The following ST6GAL2 variants were observed in gnomAD, a reference collection of about 807,000 sequenced individuals.
ST6GAL2 encodes beta-galactoside alpha-2,6-sialyltransferase 2.
Under a neutral mutation model 37.5 loss-of-function variants are expected in ST6GAL2, and 24 were observed. The ratio of observed to expected loss-of-function variants is 0.64; its 90% CI spans 0.46 to 0.90. ST6GAL2 has a LOEUF of 0.90. Among genes scored for constraint, ST6GAL2 ranks in the 40% least tolerant of loss-of-function variants. ST6GAL2 has a pLI of 0.00. For missense variants in ST6GAL2, 715 were observed against 712.7 expected, an observed-to-expected ratio of 1.00 and a Z score of -0.04; for synonymous variants, 306 against 295.1, an observed-to-expected ratio of 1.04 and a Z score of -0.38.
chr2:106,826,260 G>C (rs1226522132), intron 5 of ST6GAL2, among the ~76,000 whole-genome samples: 2 of 152,176 alleles, frequency 1.3e-5, no homozygotes, highest in Non-Finnish European at 2.9e-5. Flanking sequence ...AAGCTGTACA[G>C]GAAGCACAGT....
At chr2:106,858,820 C>T (rs1677685383) in intron 1 of ST6GAL2, among the ~76,000 whole-genome samples, 2 of 152,074 alleles carry the variant, frequency 1.3e-5, no homozygotes, top group African/African-American at 4.8e-5. Context: ...GAGGATCTTG[C>T]AGGAATTCCC....
intron 1 of ST6GAL2, among the ~76,000 whole-genome samples, chr2:106,845,609 C>G (rs1677112157): frequency 6.6e-6 from 1 of 152,168 alleles, no homozygotes; most frequent in African/African-American, 2.4e-5. Context: ...AAGATAGGAA[C>G]TGAAATCAAA....
rs1434550649 is a variant in ST6GAL2 at position 106,834,376 on chromosome 2, G to A, written c.944-230C>T. The A allele has an allele frequency of 6.5e-6, 3 of 459,130 alleles. No individual in the cohort carries two copies. In the East Asian group the frequency reaches 1.2e-4, roughly 19 times the overall value. The allele number at this position is 459,130 out of a possible 1,614,324, so 28.4% of individuals were successfully genotyped here. On this transcript the variant is annotated intron_variant, in intron 2 of 5. Transcript: ENST00000409382. ...AGATGTAAAATCTGTTCAATTATGGGCGAGACTGTATGATCTAAGTGATAT... is the reference window on the plus strand; with the variant it reads ...AGATGTAAAATCTGTTCAATTATGGACGAGACTGTATGATCTAAGTGATAT...
rs560310157 is a variant in ST6GAL2, at chr2:106,860,418, G to C, written c.-57-16384C>G. Among the ~76,000 whole-genome samples the C allele has an allele frequency of 3.3e-5, 5 of 152,134 alleles. No individual in the cohort carries two copies. The East Asian group carries it at 5.8e-4, about 18-fold the overall frequency. On this transcript the variant is annotated intron_variant, in intron 1 of 5. Transcript: ENST00000409382. The stretch of plus-strand genomic sequence containing the variant: ...AAAGACTTAGGGCATAATTTCAATG[G>C]GGGAGCCTGGGAAGGTCTTTTGCAG...
At chr2:106,883,387 T>C (rs1361454344) in intron 1 of ST6GAL2, among the ~76,000 whole-genome samples, 1 of 152,194 alleles carries the variant, frequency 6.6e-6, no homozygotes, top group Non-Finnish European at 1.5e-5. Context: ...AAACTGAAAA[T>C]GTGGTAATCC....
intron 4 of ST6GAL2, among the ~76,000 whole-genome samples, 169 bp from the exon 5 acceptor site, chr2:106,830,409 G>C (rs565328035): frequency 2.0e-5 from 3 of 152,324 alleles, no homozygotes; most frequent in Admixed American, 1.3e-4. Context: ...GAGGGGACAA[G>C]AACAAAGACA....
intron 1 of ST6GAL2, among the ~76,000 whole-genome samples, chr2:106,879,232 G>A (rs551748197): frequency 1.4e-4 from 21 of 152,236 alleles, no homozygotes; most frequent in African/African-American, 4.3e-4. Flanking sequence ...GTGATATATG[G>A]GGTATTAGTG....
rs115526437 is a variant in ST6GAL2 at position 106,835,303 on chromosome 2, G to A, written c.944-1157C>T. Among the ~76,000 whole-genome samples the A allele has an allele frequency of 5.3e-3, 808 of 152,224 alleles. 3 individuals carry two copies. Among genetic ancestry groups the A allele is most frequent in the African/African-American group, 0.018 (743 of 41,538 alleles). ...AAGGGGAGCTGCATTTATAGTCCCC[G>A]AGCCCGCACAAGTGCCTAAGGCAGC... is the stretch of plus-strand genomic sequence containing the variant. On this transcript the variant is annotated intron_variant, in intron 2 of 5. Coordinates refer to ENST00000409382, the MANE Select transcript of ST6GAL2 (RefSeq NM_001142351.2).
chr2:106,885,836 C>CAGAGCCAAA (rs982151936), intron 1 of ST6GAL2: 2 of 152,272 alleles, frequency 1.3e-5, no homozygotes, highest in Admixed American at 6.5e-5. Flanking sequence ...CACTCCCTTC[C>CAGAGCCAAA]AGAGCCAAAA....
chr2:106,870,622 T>C (rs1468771234), intron 1 of ST6GAL2, among the ~76,000 whole-genome samples: 2 of 152,146 alleles, frequency 1.3e-5, no homozygotes, highest in Non-Finnish European at 2.9e-5. Flanking sequence ...TCAAATCCAG[T>C]GCCAATATCC....
chr2:106,866,154 AT>A (rs1446026429), intron 1 of ST6GAL2, among the ~76,000 whole-genome samples: 1 of 152,224 alleles, frequency 6.6e-6, no homozygotes, highest in Non-Finnish European at 1.5e-5. Flanking sequence ...TATGGCCTCA[AT>A]TTTATGATGA....
intron 5 of ST6GAL2, among the ~76,000 whole-genome samples, chr2:106,820,322 T>C (rs1207609568): frequency 6.6e-6 from 1 of 151,770 alleles, no homozygotes; most frequent in Non-Finnish European, 1.5e-5. Context: ...AAAGCAGGGG[T>C]AGCTACACTT....
intron 1 of ST6GAL2, among the ~76,000 whole-genome samples, chr2:106,844,257 C>G (rs1219448652): frequency 6.6e-6 from 1 of 150,726 alleles, no homozygotes; most frequent in Non-Finnish European, 1.5e-5. Flanking sequence ...AGGGATCTCA[C>G]CATCTCAGGT....
intron 1 of ST6GAL2, among the ~76,000 whole-genome samples, chr2:106,871,887 T>C (rs6732109): frequency 0.044 from 6,757 of 152,324 alleles, 473 homozygotes; most frequent in African/African-American, 0.15. Flanking sequence ...AAAAGAACGA[T>C]AGAAGTATAG....
chr2:106,808,805 T>C (rs184707304), intron 5 of ST6GAL2, among the ~76,000 whole-genome samples: 168 of 152,244 alleles, frequency 1.1e-3, no homozygotes, highest in African/African-American at 3.8e-3. Context: ...TTCTTTTATT[T>C]CCAGTCACTT....
At chr2:106,881,146 T>C (rs527634331) in intron 1 of ST6GAL2, among the ~76,000 whole-genome samples, 5 of 152,162 alleles carry the variant, frequency 3.3e-5, no homozygotes, top group African/African-American at 1.2e-4. Flanking sequence ...CCCTCACACC[T>C]AGCTAATTTT....
At chr2:106,859,649 T>A (rs542806410) in intron 1 of ST6GAL2, among the ~76,000 whole-genome samples, 1 of 151,956 alleles carries the variant, frequency 6.6e-6, no homozygotes, top group Non-Finnish European at 1.5e-5. Flanking sequence ...TAACCCTAAC[T>A]CCAAAACACA....
chr2:106,830,384 C>T, intron 4 of ST6GAL2, 144 bp from the exon 5 acceptor site: 5 of 661,022 alleles, frequency 7.6e-6, no homozygotes, highest in Non-Finnish European at 1.3e-5. Context: ...TCTACAGACA[C>T]TTCCTCATTG....
chr2:106,868,366 C>A (rs892896050), intron 1 of ST6GAL2, among the ~76,000 whole-genome samples: 1 of 152,196 alleles, frequency 6.6e-6, no homozygotes, highest in Non-Finnish European at 1.5e-5. Flanking sequence ...TCCAAAGCCC[C>A]AGTCTCTCCT....
Sources: gnomAD v4.1 joint callset for allele counts (sites outside exome capture counted in the v4.1 genomes callset) on GRCh38, gnomAD v4.1.1 for gene constraint, MANE v1.5 for transcripts, NCBI Gene and HGNC (gene_info 2026-07-23, HGNC 2026-07-21) for gene names.